The following CTNNA2 variants were observed in gnomAD, a reference collection of about 807,000 sequenced individuals.
CTNNA2 encodes catenin alpha 2.
CTNNA2 carries 42 observed loss-of-function variants against 101.0 expected under a neutral mutation model. The observed-to-expected ratio is 0.42, with a 90% CI of 0.32 to 0.54. The LOEUF (loss-of-function observed/expected upper bound fraction) is 0.54, where lower values mean the gene tolerates loss of function less well. Among genes scored for constraint, CTNNA2 ranks in the 20% least tolerant of loss-of-function variants. The pLI is 0.14. For synonymous variants in CTNNA2, 450 were observed against 456.4 expected, an observed-to-expected ratio of 0.99 and a Z score of 0.18; for missense variants, 871 against 1,223.1, an observed-to-expected ratio of 0.71 and a Z score of 4.29.
intron 1 of CTNNA2, among the ~76,000 whole-genome samples, chr2:79,519,888 T>C (rs1672012564): frequency 6.6e-6 from 1 of 152,244 alleles, no homozygotes; most frequent in Non-Finnish European, 1.5e-5. Context: ...CAGTGTGTGG[T>C]TGGCTTGTTT....
At chr2:79,386,535 C>T (rs1322742211) in intron 4 of CTNNA2, among the ~76,000 whole-genome samples, 2 of 152,184 alleles carry the variant, frequency 1.3e-5, no homozygotes, top group African/African-American at 2.4e-5. Context: ...TTAATGAAAA[C>T]ATAACATAGT....
At chr2:79,840,396 A>G (rs1320405030) in intron 3 of CTNNA2, among the ~76,000 whole-genome samples, 3 of 152,232 alleles carry the variant, frequency 2.0e-5, no homozygotes, top group African/African-American at 7.2e-5. Flanking sequence ...CCAGTACTTC[A>G]GAATCAGCTT....
At chr2:80,647,092 A>C (rs1354893323) in intron 18 of CTNNA2, among the ~76,000 whole-genome samples, 3 of 152,082 alleles carry the variant, frequency 2.0e-5, no homozygotes, top group Admixed American at 6.6e-5. Flanking sequence ...GTTAATAGTT[A>C]AATTGATACT....
At chr2:79,694,071 A>G (rs1472401656) in intron 2 of CTNNA2, among the ~76,000 whole-genome samples, 2 of 151,976 alleles carry the variant, frequency 1.3e-5, no homozygotes, top group African/African-American at 4.8e-5. Flanking sequence ...AACATTATTC[A>G]AAGACATGGA....
At chr2:79,561,528 C>G (rs1674781018) in intron 1 of CTNNA2, among the ~76,000 whole-genome samples, 2 of 151,944 alleles carry the variant, frequency 1.3e-5, no homozygotes, top group Non-Finnish European at 2.9e-5. Flanking sequence ...TCTAATACTA[C>G]TGCACCATTT....
chr2:80,209,958 C>T (rs1369969866), intron 7 of CTNNA2, among the ~76,000 whole-genome samples: 1 of 152,070 alleles, frequency 6.6e-6, no homozygotes, highest in Admixed American at 6.6e-5. Flanking sequence ...CTTCAGTAAT[C>T]CTATTTCCTA....
At chr2:79,688,879 A>G (rs568388586) in intron 2 of CTNNA2, among the ~76,000 whole-genome samples, 3 of 152,074 alleles carry the variant, frequency 2.0e-5, no homozygotes, top group African/African-American at 7.2e-5. Context: ...ACTATTTTCT[A>G]TGGTTTATAA....
chr2:79,632,707 A>G (rs984078740), intron 1 of CTNNA2, among the ~76,000 whole-genome samples: 3 of 152,224 alleles, frequency 2.0e-5, no homozygotes, highest in African/African-American at 7.2e-5. Flanking sequence ...TCCATTAAAC[A>G]ATGCTGGCCT....
intron 7 of CTNNA2, among the ~76,000 whole-genome samples, chr2:79,959,681 G>A (rs1276869821): frequency 6.6e-6 from 1 of 152,158 alleles, no homozygotes; most frequent in Non-Finnish European, 1.5e-5. Context: ...ACTTTGCTTT[G>A]GGCATTAGTG....
chr2:79,764,125 T>A (rs905489404), intron 3 of CTNNA2, among the ~76,000 whole-genome samples: 1 of 152,170 alleles, frequency 6.6e-6, no homozygotes, highest in African/African-American at 2.4e-5. Flanking sequence ...TATCACCAGT[T>A]CCTACTCCTC....
At chr2:80,534,159 A>G (rs1309869649) in intron 9 of CTNNA2, among the ~76,000 whole-genome samples, 2 of 152,126 alleles carry the variant, frequency 1.3e-5, no homozygotes, top group African/African-American at 2.4e-5. Context: ...CTAAGAACAC[A>G]GGCAAAAGAG....
chr2:80,174,227 A>G (rs1705253927), intron 7 of CTNNA2, among the ~76,000 whole-genome samples: 1 of 152,136 alleles, frequency 6.6e-6, no homozygotes, highest in Non-Finnish European at 1.5e-5. Context: ...CCATACATAC[A>G]CTGCTTTTTT....
At chr2:80,273,948 G>C (rs1389621104) in intron 7 of CTNNA2, among the ~76,000 whole-genome samples, 5 of 152,084 alleles carry the variant, frequency 3.3e-5, no homozygotes, top group Admixed American at 1.3e-4. Context: ...ATGTGTTGTG[G>C]CTCTTGCTTA....
intron 1 of CTNNA2, among the ~76,000 whole-genome samples, chr2:79,571,053 ACTAT>A (rs1442053330): frequency 6.6e-6 from 1 of 152,172 alleles, no homozygotes; most frequent in Admixed American, 6.6e-5. Flanking sequence ...TTTCTTCTGA[ACTAT>A]CTCTTTTATG....
chr2:79,607,998 G>C (rs139360306), intron 1 of CTNNA2, among the ~76,000 whole-genome samples: 87 of 151,748 alleles, frequency 5.7e-4, no homozygotes, highest in African/African-American at 1.9e-3. Flanking sequence ...AATTAAATCT[G>C]ATAAATTTAG....
At chr2:79,666,523 C>T (rs577751998) in intron 2 of CTNNA2, among the ~76,000 whole-genome samples, 48 of 152,248 alleles carry the variant, frequency 3.2e-4, no homozygotes, top group African/African-American at 1.1e-3. Flanking sequence ...CCATATACCA[C>T]GTTCATCTGT....
chr2:80,634,693 A>G (rs1464619734), intron 18 of CTNNA2, among the ~76,000 whole-genome samples: 4 of 152,164 alleles, frequency 2.6e-5, no homozygotes, highest in Admixed American at 2.6e-4. Context: ...AAGCTTTTGT[A>G]ACAAGCCAGT....
intron 9 of CTNNA2, among the ~76,000 whole-genome samples, chr2:80,443,089 A>G (rs1444145532): frequency 6.6e-6 from 1 of 152,200 alleles, no homozygotes; most frequent in Non-Finnish European, 1.5e-5. Flanking sequence ...ATTAACAACC[A>G]AACTGAATAA....
chr2:79,464,717 C>T (rs1418120093), intron 4 of CTNNA2, among the ~76,000 whole-genome samples: 1 of 152,258 alleles, frequency 6.6e-6, no homozygotes, highest in Non-Finnish European at 1.5e-5. Flanking sequence ...TTTTGATTTG[C>T]ATTTCTTTGA....
Sources: gnomAD v4.1 joint callset for allele counts (sites outside exome capture counted in the v4.1 genomes callset) on GRCh38, gnomAD v4.1.1 for gene constraint, MANE v1.5 for transcripts, NCBI Gene and HGNC (gene_info 2026-07-23, HGNC 2026-07-21) for gene names.